The following CRB1 variants were observed in gnomAD, a reference collection of about 807,000 sequenced individuals.
CRB1 encodes the protein protein crumbs homolog 1.
Under a neutral mutation model 120.0 loss-of-function variants are expected in CRB1, and 83 were observed. The ratio of observed to expected loss-of-function variants is 0.69; its 90% CI spans 0.58 to 0.83. The LOEUF is 0.83. Among genes scored for constraint, CRB1 ranks in the 40% least tolerant of loss-of-function variants. The pLI, the probability that CRB1 is intolerant of heterozygous loss-of-function variation, is 0.00. For missense variants in CRB1, 1,699 were observed against 1,687.6 expected, an observed-to-expected ratio of 1.01 and a Z score of -0.12; for synonymous variants, 625 against 612.5, an observed-to-expected ratio of 1.02 and a Z score of -0.30.
intron 5 of CRB1, among the ~76,000 whole-genome samples, chr1:197,389,397 A>T (rs1370743443): frequency 6.6e-6 from 1 of 152,214 alleles, no homozygotes; most frequent in Admixed American, 6.5e-5. Flanking sequence ...GCTACAACAT[A>T]GATGAACCTT....
At chr1:197,396,831 G>A (rs1432686763) in intron 5 of CRB1, among the ~76,000 whole-genome samples, 3 of 152,090 alleles carry the variant, frequency 2.0e-5, no homozygotes, top group African/African-American at 7.2e-5. Context: ...TTAAAACTCA[G>A]ATTTAATATA....
At chr1:197,233,894 G>A in the CRB1 span, among the ~76,000 whole-genome samples, 1 of 152,198 alleles carries the variant, frequency 6.6e-6, no homozygotes, top group African/African-American at 2.4e-5. Context: ...AATTCCCCCA[G>A]TTGAGCTGGA....
the CRB1 span, among the ~76,000 whole-genome samples, chr1:197,217,232 T>C: frequency 2.6e-5 from 4 of 152,152 alleles, no homozygotes; most frequent in East Asian, 5.8e-4. Flanking sequence ...AAATTGTTGT[T>C]GGTGAGAATA....
At position 197,407,649 on chromosome 1, in the gene CRB1, G is replaced by A. The variant is rs982931803; in HGVS notation, c.1172-13351G>A. 1.1e-4 allele frequency among the ~76,000 whole-genome samples: 16 copies of A among 152,098 alleles called. No individual in the cohort carries two copies. In the South Asian group the frequency reaches 1.2e-3, roughly 12 times the overall value. ...ATAAAAAATGCAGCTATCTGAGCCC[G>A]ATCTTGATTCACAGAATCAGAATTT... On this transcript the variant is annotated intron_variant, in intron 5 of 11. Transcript: ENST00000367400.
chr1:197,453,157 A>G (rs549197540), intron 11 of CRB1, among the ~76,000 whole-genome samples: 1 of 151,814 alleles, frequency 6.6e-6, no homozygotes, highest in Non-Finnish European at 1.5e-5. Context: ...CTTATATGAG[A>G]TATCTAGAAG....
the CRB1 span, among the ~76,000 whole-genome samples, chr1:197,246,996 T>C: frequency 1.3e-5 from 2 of 152,054 alleles, no homozygotes; most frequent in Admixed American, 6.6e-5. Flanking sequence ...TCAGATAGAC[T>C]GTACTCAGTT....
At chr1:197,474,009 G>A (rs556487677) in intron 11 of CRB1, among the ~76,000 whole-genome samples, 2 of 152,234 alleles carry the variant, frequency 1.3e-5, no homozygotes, top group Admixed American at 6.5e-5. Flanking sequence ...TTTATATGAG[G>A]CTGGGAATTG....
Position 197,278,602 on chromosome 1 carries a change from T to C in CRB1, c.70+10120T>C, listed in dbSNP as rs1655353979. 2.0e-5 allele frequency among the ~76,000 whole-genome samples: 3 copies of C among 151,886 alleles called. No individual in the cohort carries two copies. In the South Asian group the frequency reaches 6.2e-4, roughly 31 times the overall value. On this transcript the variant is annotated intron_variant, in intron 1 of 11. Transcript: ENST00000367400. The stretch of plus-strand genomic sequence containing the variant: ...GACATACCTCGGTTTGGCTCACATT[T>C]CATTAACAAAAGCAGGTCATGTGGC...
intron 1 of CRB1, among the ~76,000 whole-genome samples, chr1:197,318,444 T>G (rs1018270466): frequency 6.6e-6 from 1 of 151,964 alleles, no homozygotes; most frequent in South Asian, 2.1e-4. Flanking sequence ...TAGTTTAGAG[T>G]TTCCTCAAAA....
chr1:197,332,658 A>G (rs1658932176), intron 2 of CRB1, among the ~76,000 whole-genome samples: 1 of 152,166 alleles, frequency 6.6e-6, no homozygotes, highest in Non-Finnish European at 1.5e-5. Context: ...ACTCATTAGC[A>G]ATTACCCAGG....
chr1:197,474,586 C>T (rs549045117), intron 11 of CRB1, among the ~76,000 whole-genome samples: 65 of 152,298 alleles, frequency 4.3e-4, no homozygotes, highest in East Asian at 3.1e-3. Flanking sequence ...GTCCTTCTTC[C>T]TCTCCTGTTG....
At chr1:197,427,304 G>A (rs1392162398) in intron 6 of CRB1, 150 bp from the exon 7 acceptor site, 9 of 660,272 alleles carry the variant, frequency 1.4e-5, no homozygotes, top group East Asian at 8.1e-5. Flanking sequence ...TAATAAACCT[G>A]TCCTGAACTT....
Position 197,477,860 on chromosome 1 carries a change from C to T in CRB1, c.4202C>T (p.Ala1401Val), listed in dbSNP as rs757543515. ...ATGTGGAACTTGATGCCACCCCCTG[C>T]AATGGAGAGACTGATTTAGGAGCAT... ...VEMWNLMPPP[A>V]MERLI The change falls in exon 12 of 12, where the codon GCA becomes GTA. Residue 1401 changes from alanine (A) to valine (V), a missense_variant. Transcript: ENST00000367400. 14 of 1,613,662 alleles carry T rather than the reference C, an allele frequency of 8.7e-6. No homozygotes were observed. Among genetic ancestry groups the T allele is most frequent in the African/African-American group, 1.3e-5 (1 of 74,874 alleles).
At chr1:197,333,729 G>T (rs1331235675) in intron 2 of CRB1, among the ~76,000 whole-genome samples, 1 of 152,194 alleles carries the variant, frequency 6.6e-6, no homozygotes, top group Non-Finnish European at 1.5e-5. Context: ...TATAGTGAAG[G>T]AAATGTATTT....
the CRB1 span, among the ~76,000 whole-genome samples, chr1:197,246,597 G>A: frequency 6.6e-6 from 1 of 151,824 alleles, no homozygotes; most frequent in Admixed American, 6.6e-5. Context: ...GAAAGAATGG[G>A]AAAAATATGT....
intron 7 of CRB1, chr1:197,429,151 A>T: frequency 6.5e-7 from 1 of 1,531,526 alleles, no homozygotes. Flanking sequence ...CATGTGAAAA[A>T]GTGCCTGGTA....
chr1:197,234,210 T>G, the CRB1 span, among the ~76,000 whole-genome samples: 2 of 152,244 alleles, frequency 1.3e-5, no homozygotes, highest in Non-Finnish European at 2.9e-5. Flanking sequence ...GTCTTGAGTT[T>G]AGGCTGAACC....
chr1:197,254,294 G>A, the CRB1 span, among the ~76,000 whole-genome samples: 1 of 151,972 alleles, frequency 6.6e-6, no homozygotes, highest in Non-Finnish European at 1.5e-5. Context: ...GCCATTCCTT[G>A]TCCTGAGTGA....
intron 1 of CRB1, among the ~76,000 whole-genome samples, chr1:197,279,535 G>A (rs1290272007): frequency 2.8e-5 from 4 of 144,490 alleles, no homozygotes; most frequent in Non-Finnish European, 4.5e-5. Flanking sequence ...TTTGTTTTCT[G>A]GCTTTTTTTT....
Sources: allele counts gnomAD v4.1 joint callset (sites outside exome capture counted in the v4.1 genomes callset), GRCh38; gene constraint gnomAD v4.1.1; transcripts MANE v1.5; gene names NCBI Gene and HGNC (gene_info 2026-07-23, HGNC 2026-07-21).